PKD1L1: variants seen among roughly 807,000 people sequenced by gnomAD.
PKD1L1 encodes polycystin 1 like 1, transient receptor potential channel interacting, also known as polycystin-1-like protein 1.
Under a neutral mutation model 323.4 loss-of-function variants are expected in PKD1L1, and 236 were observed. That is an observed-to-expected ratio of 0.73 (90% CI 0.66 to 0.81). The LOEUF is 0.81. PKD1L1 is among the 40% of genes least tolerant of loss of function. The pLI is 0.00. For synonymous variants in PKD1L1, 1,344 were observed against 1,335.0 expected (o/e 1.01, Z -0.15); for missense variants, 3,320 against 3,508.0 (o/e 0.95, Z 1.35).
intron 50 of PKD1L1, among the ~76,000 whole-genome samples, chr7:47,810,976 T>A (rs1208677898): frequency 6.6e-6 from 1 of 152,074 alleles, no homozygotes; most frequent in Non-Finnish European, 1.5e-5. Flanking sequence ...ACAAAGAGAC[T>A]CTAGACAGCT....
Position 47,813,000 on chromosome 7 carries a change from G to A in PKD1L1, c.7346+121C>T, listed in dbSNP as rs140829165. The stretch of plus-strand genomic sequence containing the variant: ...TGGCTGGAGCCCCTGGCAGTGGTGC[G>A]CTGACCTCGCAGGCCTGTCAGGAGG... On this transcript the variant is annotated intron_variant, in intron 49 of 56. Coordinates refer to ENST00000289672, the MANE Select transcript of PKD1L1 (RefSeq NM_138295.5). The A allele has an allele frequency of 6.1e-3, 7,426 of 1,220,872 alleles. 36 individuals are homozygous for A. The highest frequency in any genetic ancestry group is 9.6e-3 in the Middle Eastern group (33 of 3,434). The allele number at this position is 1,220,872 out of a possible 1,614,324, so 75.6% of individuals were successfully genotyped here.
intron 46 of PKD1L1, among the ~76,000 whole-genome samples, 179 bp downstream of exon 46, chr7:47,820,897 A>T (rs553972036): frequency 6.6e-6 from 1 of 152,260 alleles, no homozygotes; most frequent in East Asian, 1.9e-4. Flanking sequence ...TTTACCCCAA[A>T]CGAGATGCTA....
At chr7:47,890,956 G>A (rs1786803288) in intron 15 of PKD1L1, among the ~76,000 whole-genome samples, 193 bp from the exon 16 acceptor site, 1 of 152,132 alleles carries the variant, frequency 6.6e-6, no homozygotes, top group Non-Finnish European at 1.5e-5. Context: ...CACCACCTGG[G>A]GTGGGCTCAG....
Position 47,855,166 on chromosome 7 carries a change from C to T in PKD1L1, c.4690G>A (p.Glu1564Lys). The T allele has an allele frequency of 6.2e-7, 1 of 1,614,096 alleles. No homozygotes were observed. The highest frequency in any genetic ancestry group is 8.5e-7 in the Non-Finnish European group (1 of 1,179,984). Residue 1564 changes from glutamate to lysine, a missense_variant, in exon 29 of 57, where the codon GAG becomes AAG. Physicochemically the swap from Glu to Lys is moderately conservative, Grantham distance 56. Coordinates refer to ENST00000289672, the MANE Select transcript of PKD1L1 (RefSeq NM_138295.5). Reference sequence around the variant, plus strand: ...AAGGCTCTCCTTACCAGGCCATCCTCCTCCCCAAACTCGACCATCACGGGT... The same window carrying T: ...AAGGCTCTCCTTACCAGGCCATCCTTCTCCCCAAACTCGACCATCACGGGT... ...RKPVMVEFGE[E>K]DGLDNRRNKT...
At chr7:47,945,026 G>C (rs1788067524) in intron 1 of PKD1L1, among the ~76,000 whole-genome samples, 1 of 152,166 alleles carries the variant, frequency 6.6e-6, no homozygotes, top group Non-Finnish European at 1.5e-5. Flanking sequence ...GTGCTAAGGA[G>C]AAGGGCAGGC....
chr7:47,885,731 A>G lies in PKD1L1; in HGVS notation c.3160T>C (p.Ser1054Pro), dbSNP rs751297613. 7.4e-6 allele frequency: 12 copies of G among 1,613,962 alleles called. No homozygotes were observed. Among genetic ancestry groups the G allele is most frequent in the Middle Eastern group, 1.6e-4 (1 of 6,080 alleles). Residue 1054 changes from serine to proline, a missense_variant, in exon 18 of 57, where the codon TCT becomes CCT. Ser to Pro is a moderately conservative substitution (Grantham distance 74, BLOSUM62 -1). Transcript: ENST00000289672. ...CTGTGGGTGGGCTGACTTCTCTCAG[A>G]GCGGCCAGTCATCAGGGATCCCTTG... ...QSKGSLMTGR[S>P]ERSQPTHSPD...
At chr7:47,780,548 C>T (rs1303363260) in intron 56 of PKD1L1, among the ~76,000 whole-genome samples, 2 of 151,970 alleles carry the variant, frequency 1.3e-5, no homozygotes, top group Non-Finnish European at 2.9e-5. Context: ...ATGAGAATCA[C>T]GTGAACCCGG....
In PKD1L1 at chr7:47,800,858, C is replaced by G; in HGVS notation, c.7984G>C (p.Ala2662Pro). The change falls in exon 54 of 57, where the codon GCC (alanine) becomes CCC (proline). Residue 2662 changes from alanine to proline, a missense_variant. Coordinates refer to ENST00000289672, the MANE Select transcript of PKD1L1 (RefSeq NM_138295.5). ...AATCGGTGCAGGTGGGAGAGGGCGG[C>G]CAGCATCAGTGCCCCCACCAGCTGC... is the stretch of plus-strand genomic sequence containing the variant. ...VAGLVGALMLAALSHLHRFLL... is the reference protein window; with the variant it reads ...VAGLVGALMLPALSHLHRFLL... 6.2e-7 allele frequency: 1 copy of G among 1,613,964 alleles called. No individual in the cohort carries two copies. The highest frequency in any genetic ancestry group is 2.2e-5 in the East Asian group (1 of 44,878).
At chr7:47,959,083 C>G in the PKD1L1 span, among the ~76,000 whole-genome samples, 1 of 151,114 alleles carries the variant, frequency 6.6e-6, no homozygotes, top group Admixed American at 6.6e-5. Context: ...CTCGGCCTCC[C>G]GAGGTGCCGG....
chr7:47,782,112 G>A (rs984991646), intron 56 of PKD1L1, among the ~76,000 whole-genome samples: 7 of 152,090 alleles, frequency 4.6e-5, no homozygotes, highest in Non-Finnish European at 1.0e-4. Flanking sequence ...TTCTGTGCAA[G>A]GCATCCAGTT....
the PKD1L1 span, among the ~76,000 whole-genome samples, chr7:47,960,271 C>T: frequency 2.7e-5 from 4 of 148,842 alleles, no homozygotes; most frequent in Non-Finnish European, 4.5e-5. Context: ...AAACCAGAGA[C>T]CTTTGTTCAC....
chr7:47,830,173 CA>C (rs1350238468), intron 42 of PKD1L1, 49 bp from the exon 43 acceptor site: 2 of 1,498,366 alleles, frequency 1.3e-6, no homozygotes, highest in African/African-American at 2.8e-5. Flanking sequence ...GGGAGCAGGC[CA>C]CCCAGCAGTC....
intron 56 of PKD1L1, among the ~76,000 whole-genome samples, chr7:47,777,300 C>G (rs1786589899): frequency 6.6e-6 from 1 of 152,172 alleles, no homozygotes; most frequent in Non-Finnish European, 1.5e-5. Flanking sequence ...TTCTTGGGGA[C>G]TTCCTGAAAA....
chr7:47,790,421 C>T (rs1454861858), intron 56 of PKD1L1, among the ~76,000 whole-genome samples: 1 of 151,834 alleles, frequency 6.6e-6, no homozygotes, highest in Non-Finnish European at 1.5e-5. Context: ...AGCTCTACCT[C>T]CTGGGTTCAC....
intron 39 of PKD1L1, 34 bp downstream of exon 39, chr7:47,834,933 C>A (rs375512085): frequency 1.9e-6 from 3 of 1,589,482 alleles, no homozygotes; most frequent in Admixed American, 1.7e-5. Flanking sequence ...CTCAGCCCCA[C>A]GGAGAGTTTC....
intron 8 of PKD1L1, among the ~76,000 whole-genome samples, chr7:47,914,674 G>C (rs1010036004): frequency 6.6e-6 from 1 of 152,068 alleles, no homozygotes; most frequent in Non-Finnish European, 1.5e-5. Flanking sequence ...CCCAATGTTT[G>C]CCTCTCTCTC....
intron 7 of PKD1L1, among the ~76,000 whole-genome samples, chr7:47,923,605 C>A (rs926263995): frequency 2.0e-4 from 30 of 151,636 alleles, no homozygotes; most frequent in Middle Eastern, 3.2e-3. Flanking sequence ...CAAGCCTGCT[C>A]CCACTCTGTG....
intron 8 of PKD1L1, among the ~76,000 whole-genome samples, chr7:47,912,541 C>A (rs1454783323): frequency 6.6e-6 from 1 of 152,008 alleles, no homozygotes; most frequent in Non-Finnish European, 1.5e-5. Context: ...ACCGGCTGGG[C>A]ACGGTGGCTC....
At position 47,912,900 on chromosome 7, in the gene PKD1L1, A is replaced by AG. The variant is rs529432055; in HGVS notation, c.1228+2531dup. 3.9e-5 allele frequency among the ~76,000 whole-genome samples: 6 copies of AG among 152,208 alleles called. No homozygotes were observed. In the South Asian group the frequency reaches 1.2e-3, roughly 32 times the overall value. ...ATTAATCAATGACGGGGAAAAAAGA[A>AG]GGCTGACTTTGGAATCACCACAAGG... On this transcript the variant is annotated intron_variant, in intron 8 of 56. Transcript: ENST00000289672.
Sources: allele counts gnomAD v4.1 joint callset (sites outside exome capture counted in the v4.1 genomes callset), GRCh38; gene constraint gnomAD v4.1.1; transcripts MANE v1.5; gene names NCBI Gene and HGNC (gene_info 2026-07-23, HGNC 2026-07-21).